Variants in DDX42 observed in about 807,000 individuals in gnomAD.
DDX42 encodes the protein DEAD-box helicase 42.
DDX42 carries 22 observed loss-of-function variants against 101.5 expected under a neutral mutation model. The observed-to-expected ratio is 0.22, with a 90% CI of 0.15 to 0.31. DDX42 has a LOEUF of 0.31. Among genes scored for constraint, DDX42 ranks in the 10% least tolerant of loss-of-function variants. The pLI, the probability that DDX42 is intolerant of heterozygous loss-of-function variation, is 1.00. For synonymous variants in DDX42, 402 were observed against 401.2 expected, an observed-to-expected ratio of 1.00 and a Z score of -0.02; for missense variants, 849 against 1,199.9, an observed-to-expected ratio of 0.71 and a Z score of 4.32.
intron 17 of DDX42, 39 bp from the exon 18 acceptor site, chr17:63,817,655 T>C: frequency 6.3e-7 from 1 of 1,586,866 alleles, no homozygotes; most frequent in Non-Finnish European, 8.6e-7. Context: ...TTCTTGAACT[T>C]GCTATCTTAC....
chr17:63,798,299 T>A, intron 4 of DDX42, 200 bp downstream of exon 4: 1 of 470,202 alleles, frequency 2.1e-6, no homozygotes, highest in Non-Finnish European at 3.8e-6. Flanking sequence ...AGCATTCAGT[T>A]TGGTAGAATA....
intron 17 of DDX42, 60 bp downstream of exon 17, chr17:63,817,026 G>C: frequency 2.7e-6 from 4 of 1,469,664 alleles, no homozygotes; most frequent in Non-Finnish European, 3.8e-6. Flanking sequence ...CAGTGACAGA[G>C]GGGCTTAGTT....
intron 6 of DDX42, among the ~76,000 whole-genome samples, chr17:63,803,331 G>A (rs970147543): frequency 6.6e-6 from 1 of 152,086 alleles, no homozygotes; most frequent in African/African-American, 2.4e-5. Flanking sequence ...GCTCATGCCT[G>A]TAATTCCAGC....
At chr17:63,817,336 T>G (rs2039988358) in intron 17 of DDX42, 5 of 326,228 alleles carry the variant, frequency 1.5e-5, no homozygotes, top group Non-Finnish European at 2.8e-5. Flanking sequence ...ATAGAATGAG[T>G]TCAAGGCAGG....
chr17:63,774,505 C>T (rs3760253), intron 1 of DDX42, 129 bp downstream of exon 1: 4 of 179,660 alleles, frequency 2.2e-5, no homozygotes, highest in Non-Finnish European at 3.5e-5. Flanking sequence ...CTCGGGGCAC[C>T]GGCGGCCGGG....
intron 1 of DDX42, among the ~76,000 whole-genome samples, chr17:63,785,544 G>T (rs980984014): frequency 6.8e-5 from 10 of 146,718 alleles, no homozygotes; most frequent in Non-Finnish European, 1.5e-4. Flanking sequence ...AGAGGGGGGG[G>T]TCTCTTGAGG....
In DDX42 at chr17:63,785,650, G is replaced by A. The variant is rs117699332; in HGVS notation, c.-16-1384G>A. ...AAAGGTTTTTGGAGCCAAGACTAATGTAAGGTATTGTTTGTAAATTGATTT... is the reference window on the plus strand; with the variant it reads ...AAAGGTTTTTGGAGCCAAGACTAATATAAGGTATTGTTTGTAAATTGATTT... On this transcript the variant is annotated intron_variant, in intron 1 of 17. Transcript: ENST00000389924. Among the ~76,000 whole-genome samples the A allele has an allele frequency of 7.3e-3, 1,112 of 151,402 alleles. 5 individuals are homozygous for A. The highest frequency in any genetic ancestry group is 0.017 in the Middle Eastern group (5 of 290).
chr17:63,780,447 G>A (rs932052630), intron 1 of DDX42, among the ~76,000 whole-genome samples: 1 of 152,178 alleles, frequency 6.6e-6, no homozygotes, highest in Admixed American at 6.5e-5. Flanking sequence ...CATAAATACT[G>A]GGATGAATTT....
chr17:63,794,681 A>G (rs2039671071), intron 3 of DDX42, among the ~76,000 whole-genome samples: 2 of 151,796 alleles, frequency 1.3e-5, no homozygotes, highest in African/African-American at 4.8e-5. Flanking sequence ...CACGGCTCAC[A>G]TTTGTAATCC....
At position 63,798,936 on chromosome 17, in the gene DDX42, G is replaced by A. The variant is rs139482049; in HGVS notation, c.435-653G>A. On this transcript the variant is annotated intron_variant, in intron 4 of 17. Transcript: ENST00000389924. ...GCCGGTTGCCTTAGGAATAGCAAGC[G>A]CTCTAGGTTAGGCAGAAAGTCTGAT... Among the ~76,000 whole-genome samples the A allele has an allele frequency of 5.3e-3, 811 of 152,216 alleles. 5 individuals carry two copies. The highest frequency in any genetic ancestry group is 0.018 in the African/African-American group (739 of 41,526).
At chr17:63,779,389 G>C (rs1000843281) in intron 1 of DDX42, among the ~76,000 whole-genome samples, 1 of 151,894 alleles carries the variant, frequency 6.6e-6, no homozygotes, top group Non-Finnish European at 1.5e-5. Flanking sequence ...TCAACCTCCC[G>C]AGTAGCTGGG....
chr17:63,781,707 T>C (rs1023503557), intron 1 of DDX42, among the ~76,000 whole-genome samples: 3 of 151,978 alleles, frequency 2.0e-5, no homozygotes, highest in African/African-American at 4.8e-5. Context: ...AATAGTGATA[T>C]ATGTTAAGAA....
At chr17:63,784,166 G>A (rs2039520356) in intron 1 of DDX42, among the ~76,000 whole-genome samples, 1 of 152,080 alleles carries the variant, frequency 6.6e-6, no homozygotes, top group South Asian at 2.1e-4. Flanking sequence ...ATATAGACAA[G>A]GGGTATAGAA....
At chr17:63,805,645 T>A (rs185747603) in intron 7 of DDX42, 2 of 154,518 alleles carry the variant, frequency 1.3e-5, no homozygotes, top group African/African-American at 2.4e-5. Context: ...CCAGAAAGTT[T>A]TGGGCTGCAC....
At chr17:63,786,770 C>T (rs781539562) in intron 1 of DDX42, among the ~76,000 whole-genome samples, 7 of 152,206 alleles carry the variant, frequency 4.6e-5, no homozygotes, top group Admixed American at 6.5e-5. Flanking sequence ...CTCCGCCTCT[C>T]AGATTCAAGT....
rs1046764527 is a variant in DDX42, at chr17:63,801,466, A to G, written c.621+849A>G. Among the ~76,000 whole-genome samples, 12 of 151,774 alleles carry G rather than the reference A, an allele frequency of 7.9e-5. No homozygotes were observed. The East Asian group carries it at 1.5e-3, about 20-fold the overall frequency. Reference sequence around the variant, plus strand: ...ATCCCCTGGCTCAAGTGATCCTTTCACTTCAGCCTCCTGAGTAGCTGGGAC... The same window carrying G: ...ATCCCCTGGCTCAAGTGATCCTTTCGCTTCAGCCTCCTGAGTAGCTGGGAC... On this transcript the variant is annotated intron_variant, in intron 6 of 17. Coordinates refer to ENST00000389924, the MANE Select transcript of DDX42 (RefSeq NM_203499.3).
intron 14 of DDX42, among the ~76,000 whole-genome samples, 158 bp downstream of exon 14, chr17:63,812,366 A>G (rs899191049): frequency 1.3e-5 from 2 of 152,218 alleles, no homozygotes; most frequent in African/African-American, 4.8e-5. Flanking sequence ...AGTTCAGCAC[A>G]GGGATCACAG....
intron 1 of DDX42, among the ~76,000 whole-genome samples, chr17:63,783,557 A>C (rs925631346): frequency 6.6e-6 from 1 of 152,214 alleles, no homozygotes; most frequent in African/African-American, 2.4e-5. Context: ...ACTAAATTTC[A>C]TCACACTGGA....
intron 2 of DDX42, among the ~76,000 whole-genome samples, chr17:63,788,310 CTTT>C (rs370584285): frequency 1.1e-4 from 13 of 121,448 alleles, no homozygotes; most frequent in Admixed American, 2.5e-4. Context: ...ACATCTGAGT[CTTT>C]TTTTTTTTTT....
Sources: allele counts gnomAD v4.1 joint callset (sites outside exome capture counted in the v4.1 genomes callset), GRCh38; gene constraint gnomAD v4.1.1; transcripts MANE v1.5; gene names NCBI Gene and HGNC (gene_info 2026-07-23, HGNC 2026-07-21).